GLO1: variants seen among roughly 807,000 people sequenced by gnomAD.
The protein encoded by GLO1 is glyoxalase I.
A neutral mutation model predicts 26.0 loss-of-function variants in GLO1; 28 were observed. That is an observed-to-expected ratio of 1.08 (90% confidence interval 0.80 to 1.48). The LOEUF (loss-of-function observed/expected upper bound fraction) is 1.48. Among genes scored for constraint, GLO1 ranks in the 40% most tolerant of loss-of-function variants. GLO1 has a pLI of 0.00. For synonymous variants in GLO1, 78 were observed against 77.6 expected (o/e 1.00, Z -0.03); for missense variants, 225 against 224.8 (o/e 1.00, Z -0.01).
intron 4 of GLO1, among the ~76,000 whole-genome samples, chr6:38,682,533 T>C (rs1346572153): frequency 6.6e-6 from 1 of 151,484 alleles, no homozygotes; most frequent in Non-Finnish European, 1.5e-5. Context: ...TAGTATTAAC[T>C]ACAGCTTTTT....
At chr6:38,693,681 C>CTATATATATA (rs1200341644) in intron 1 of GLO1, among the ~76,000 whole-genome samples, 6 of 94,392 alleles carry the variant, frequency 6.4e-5, no homozygotes, top group East Asian at 2.9e-4. Context: ...CTCTCTCTCT[C>CTATATATATA]TCTCTATATA....
chr6:38,683,118 G>T, intron 3 of GLO1: 1 of 456,068 alleles, frequency 2.2e-6, no homozygotes, highest in Admixed American at 3.7e-5. Context: ...TAATAATAAT[G>T]CTCATTTATT....
At chr6:38,684,649 G>A (rs116078874) in intron 2 of GLO1, 135 bp from the exon 3 acceptor site, 6,609 of 426,290 alleles carry the variant, frequency 0.016, 69 homozygotes, top group Non-Finnish European at 0.019. Flanking sequence ...AATGGAATAA[G>A]CAGGAGGAAA....
intron 1 of GLO1, among the ~76,000 whole-genome samples, chr6:38,688,670 G>A (rs371606637): frequency 6.6e-6 from 1 of 152,166 alleles, no homozygotes; most frequent in Non-Finnish European, 1.5e-5. Context: ...CAGGCCTCAT[G>A]GGGGAGATCT....
chr6:38,700,181 A>T (rs1280632820), intron 1 of GLO1, among the ~76,000 whole-genome samples: 1 of 152,176 alleles, frequency 6.6e-6, no homozygotes, highest in Non-Finnish European at 1.5e-5. Context: ...AATAGAAAGA[A>T]CCTACGTTGA....
chr6:38,679,832 C>T (rs1468472026), intron 5 of GLO1, among the ~76,000 whole-genome samples: 1 of 149,996 alleles, frequency 6.7e-6, no homozygotes, highest in Non-Finnish European at 1.5e-5. Context: ...GAAATATTAC[C>T]AATATGAAAA....
intron 1 of GLO1, 33 bp downstream of exon 1, chr6:38,702,938 T>TGG: frequency 8.2e-7 from 1 of 1,215,062 alleles, no homozygotes; most frequent in South Asian, 1.2e-5. Context: ...CCAGCGGAGC[T>TGG]GGGGGAGCCG....
chr6:38,700,188 T>C (rs1761677146), intron 1 of GLO1, among the ~76,000 whole-genome samples: 1 of 152,220 alleles, frequency 6.6e-6, no homozygotes. Flanking sequence ...AGAACCTACG[T>C]TGAAATATTG....
intron 2 of GLO1, among the ~76,000 whole-genome samples, chr6:38,685,757 G>A (rs1761452729): frequency 6.6e-6 from 1 of 152,214 alleles, no homozygotes; most frequent in South Asian, 2.1e-4. Context: ...TGAAGGAAAT[G>A]AAACTGTTGC....
chr6:38,686,851 A>G (rs1336969511), intron 2 of GLO1, 41 bp downstream of exon 2: 8 of 1,060,552 alleles, frequency 7.5e-6, no homozygotes, highest in African/African-American at 3.2e-5. Context: ...TTGCAAAGCT[A>G]TATATTTAAA....
intron 1 of GLO1, among the ~76,000 whole-genome samples, chr6:38,687,538 T>G (rs1337381013): frequency 6.6e-6 from 1 of 152,224 alleles, no homozygotes; most frequent in African/African-American, 2.4e-5. Context: ...AGCAAAGAGT[T>G]ACTCACAAGA....
intron 1 of GLO1, among the ~76,000 whole-genome samples, chr6:38,696,996 G>T (rs2127548732): frequency 1.3e-5 from 2 of 149,540 alleles, no homozygotes; most frequent in Middle Eastern, 6.9e-3. Flanking sequence ...TCGGCTCACT[G>T]CAACCTCTGC....
At chr6:38,686,762 A>T (rs2127546941) in intron 2 of GLO1, 130 bp downstream of exon 2, 1 of 596,652 alleles carries the variant, frequency 1.7e-6, no homozygotes, top group African/African-American at 1.9e-5. Flanking sequence ...AGCCAGGCCT[A>T]ATCACAGACT....
In GLO1 at chr6:38,677,029, G is replaced by A. The variant is rs1285936700; in HGVS notation, c.*266C>T. ...TAGGTGGCAGAAGAAGGCAAATGCA[G>A]CCTCTGAAGGGAACTGTTCTAATTA... On this transcript the variant is annotated 3_prime_UTR_variant, in exon 6 of 6. Transcript: ENST00000373365. 3.1e-6 allele frequency: 1 copy of A among 318,060 alleles called. No homozygotes were observed. The highest frequency in any genetic ancestry group is 2.2e-5 in the African/African-American group (1 of 46,408). The allele number at this position is 318,060 out of a possible 1,614,324, so 19.7% of individuals were successfully genotyped here. A position where few individuals can be genotyped will look rare whatever the true frequency, so the allele number is the denominator to read the frequency against.
At chr6:38,682,962 T>C (rs1305094245) in intron 3 of GLO1, 87 bp from the exon 4 acceptor site, 3 of 814,056 alleles carry the variant, frequency 3.7e-6, no homozygotes, top group African/African-American at 1.7e-5. Context: ...CTTACCACGT[T>C]TATATGCTAC....
chr6:38,685,975 A>G (rs1252647177), intron 2 of GLO1, among the ~76,000 whole-genome samples: 1 of 152,226 alleles, frequency 6.6e-6, no homozygotes, highest in Non-Finnish European at 1.5e-5. Context: ...GATAAAAGCT[A>G]CCTCCTAAGA....
At chr6:38,695,885 T>C (rs995730469) in intron 1 of GLO1, among the ~76,000 whole-genome samples, 1 of 152,186 alleles carries the variant, frequency 6.6e-6, no homozygotes, top group Non-Finnish European at 1.5e-5. Context: ...TCCAGGTTAC[T>C]AGCTTCTTCA....
chr6:38,697,172 CA>C (rs1235362373), intron 1 of GLO1, among the ~76,000 whole-genome samples: 1 of 152,170 alleles, frequency 6.6e-6, no homozygotes, highest in Non-Finnish European at 1.5e-5. Flanking sequence ...CTTGGTCTCC[CA>C]AAGTGCTGGG....
In GLO1 at chr6:38,702,981, G is replaced by T; in HGVS notation, c.74C>A (p.Pro25His). The T allele has an allele frequency of 6.4e-7, 1 of 1,574,592 alleles. No individual in the cohort carries two copies. Among genetic ancestry groups the T allele is most frequent in the Non-Finnish European group, 8.7e-7 (1 of 1,146,000 alleles). Residue 25 changes from proline to histidine, a missense_variant, in exon 1 of 6, where the codon CCC becomes CAC. Transcript: ENST00000373365. Reference protein sequence around the residue: ...AALSCCSDADPSTKDFLLQQT... With the variant: ...AALSCCSDADHSTKDFLLQQT... ...CGGTCCTGTGCCCACCTTGGTACTG[G>T]GGTCCGCGTCGGAGCAGCAACTGAG...
Sources: gnomAD v4.1 joint callset for allele counts (sites outside exome capture counted in the v4.1 genomes callset) on GRCh38, gnomAD v4.1.1 for gene constraint, MANE v1.5 for transcripts, NCBI Gene and HGNC (gene_info 2026-07-23, HGNC 2026-07-21) for gene names.